Variants in RTL9 observed in about 807,000 individuals in gnomAD.
RTL9 encodes the protein retrotransposon Gag like 9.
A neutral mutation model predicts 44.7 loss-of-function variants in RTL9; 19 were observed. The ratio of observed to expected loss-of-function variants is 0.42; its 90% CI spans 0.30 to 0.62. The LOEUF (loss-of-function observed/expected upper bound fraction) is 0.62, where lower values mean the gene tolerates loss of function less well. Ranked by LOEUF, RTL9 falls within the 20% of genes least tolerant of loss-of-function variation. RTL9 has a pLI of 0.16. For missense variants in RTL9, 1,105 were observed against 1,080.6 expected (o/e 1.02, Z -0.32); for synonymous variants, 407 against 398.9 (o/e 1.02, Z -0.24).
At chrX:110,420,895 C>A (rs947829490) in intron 1 of RTL9, among the ~76,000 whole-genome samples, 2 of 111,464 alleles carry the variant, frequency 1.8e-5, no homozygotes, top group South Asian at 7.6e-4. Flanking sequence ...CCTACTGTGC[C>A]CCGTCCATCA....
intron 1 of RTL9, among the ~76,000 whole-genome samples, chrX:110,382,949 A>G (rs1441952960): frequency 1.8e-5 from 2 of 112,130 alleles, no homozygotes; most frequent in African/African-American, 6.5e-5. Flanking sequence ...CCCATGGCCT[A>G]TAAGGTACAG....
At chrX:110,408,967 A>G (rs1286923917) in intron 1 of RTL9, among the ~76,000 whole-genome samples, 2 of 112,167 alleles carry the variant, frequency 1.8e-5, no homozygotes, top group Non-Finnish European at 3.8e-5. Flanking sequence ...GCAAAAGCAG[A>G]TTTATTATAA....
At chrX:110,399,135 A>C (rs2068547484) in intron 1 of RTL9, among the ~76,000 whole-genome samples, 1 of 112,131 alleles carries the variant, frequency 8.9e-6, no homozygotes, top group South Asian at 3.7e-4. Context: ...TCACAATAAC[A>C]ACAATAATAT....
intron 1 of RTL9, among the ~76,000 whole-genome samples, chrX:110,378,824 G>T (rs1194056747): frequency 9.0e-6 from 1 of 111,205 alleles, no homozygotes; most frequent in Admixed American, 9.5e-5. Context: ...GCTGCCCACT[G>T]CTGGCTCTTC....
chrX:110,397,048 T>G (rs1395972355), intron 1 of RTL9, among the ~76,000 whole-genome samples: 1 of 112,079 alleles, frequency 8.9e-6, no homozygotes, highest in African/African-American at 3.2e-5. Flanking sequence ...AGGCTTGGAC[T>G]TGCTCTCTGC....
At chrX:110,451,781 G>T (rs374873915) in exon 1 of RTL9, 7 of 1,209,626 alleles carry the variant, frequency 5.8e-6, no homozygotes, top group African/African-American at 5.3e-5. Flanking sequence ...TGTCTAATCC[G>T]CCAGTGAGAG....
chrX:110,436,634 G>T (rs1452361245), intron 1 of RTL9, among the ~76,000 whole-genome samples: 2 of 112,011 alleles, frequency 1.8e-5, no homozygotes, highest in African/African-American at 3.3e-5. Context: ...TGCACAGAAA[G>T]CTGAGCTCCT....
At chrX:110,440,567 G>A (rs1406031845) in intron 1 of RTL9, among the ~76,000 whole-genome samples, 1 of 111,627 alleles carries the variant, frequency 9.0e-6, no homozygotes, top group Non-Finnish European at 1.9e-5. Flanking sequence ...TCTGTGGTGA[G>A]GCAGGGGTTT....
At chrX:110,438,454 C>T (rs996597535) in intron 1 of RTL9, among the ~76,000 whole-genome samples, 1 of 111,492 alleles carries the variant, frequency 9.0e-6, no homozygotes, top group Non-Finnish European at 1.9e-5. Flanking sequence ...CACCCCAGCA[C>T]TCAGGGCTTT....
At chrX:110,360,681 G>C (rs896693443) in intron 1 of RTL9, among the ~76,000 whole-genome samples, 1 of 111,631 alleles carries the variant, frequency 9.0e-6, no homozygotes, top group South Asian at 3.8e-4. Context: ...GAAGTAGAAA[G>C]ATTTTTTTGG....
At chrX:110,392,298 A>T (rs1602961395) in intron 1 of RTL9, among the ~76,000 whole-genome samples, 1 of 94,551 alleles carries the variant, frequency 1.1e-5, no homozygotes, top group East Asian at 3.3e-4. Context: ...TTTTTTTGAG[A>T]CAAGGTCTCA....
intron 1 of RTL9, among the ~76,000 whole-genome samples, chrX:110,434,677 T>C (rs182783190): frequency 2.7e-5 from 3 of 111,307 alleles, no homozygotes; most frequent in African/African-American, 6.5e-5. Context: ...AAGGTCTGTT[T>C]GGACTTGCTG....
rs767183254 is a variant in RTL9 at position 110,450,795 on chromosome X, G to T, written c.178G>T (p.Gly60Trp). 1.6e-5 allele frequency: 19 copies of T among 1,209,796 alleles called. No individual in the cohort carries two copies. In the Admixed American group the frequency reaches 3.7e-4, roughly 24 times the overall value. The change falls in exon 1 of 2, where the codon GGG becomes TGG. Residue 60 changes from glycine (G) to tryptophan (W), a missense_variant. Physicochemically the swap from Gly to Trp is radical, Grantham distance 184. Coordinates refer to ENST00000540313, the Ensembl canonical transcript of RTL9. Reference sequence around the variant, plus strand: ...CTCAACTTCAGCCTCAGACCCTGGAGGGACATCCACACAGTTGATGACATC... The same window carrying T: ...CTCAACTTCAGCCTCAGACCCTGGATGGACATCCACACAGTTGATGACATC...
At chrX:110,453,950 C>T (rs369359223) in exon 1 of RTL9, 4 of 1,210,299 alleles carry the variant, frequency 3.3e-6, no homozygotes, top group Non-Finnish European at 4.5e-6. Flanking sequence ...CTCACATTAA[C>T]ATCACAGCCT....
chrX:110,366,313 C>T (rs894055007), intron 1 of RTL9, among the ~76,000 whole-genome samples: 3 of 111,606 alleles, frequency 2.7e-5, no homozygotes, highest in Non-Finnish European at 5.6e-5. Flanking sequence ...TTCCTGGCTG[C>T]GAGAATATTC....
At chrX:110,436,592 C>T (rs943627035) in intron 1 of RTL9, among the ~76,000 whole-genome samples, 1 of 111,975 alleles carries the variant, frequency 8.9e-6, no homozygotes, top group Non-Finnish European at 1.9e-5. Context: ...GCAAGGGGGA[C>T]TGGAATGCAG....
intron 1 of RTL9, among the ~76,000 whole-genome samples, chrX:110,435,778 A>G (rs137905088): frequency 2.4e-4 from 27 of 112,392 alleles, no homozygotes; most frequent in African/African-American, 8.4e-4. Context: ...TTCCTCACAA[A>G]TATTATAAAC....
intron 1 of RTL9, among the ~76,000 whole-genome samples, chrX:110,443,602 T>G (rs1042900716): frequency 2.7e-5 from 3 of 112,273 alleles, no homozygotes; most frequent in African/African-American, 9.7e-5. Flanking sequence ...ATTAGTTTGT[T>G]CTCTTCTCTC....
intron 1 of RTL9, among the ~76,000 whole-genome samples, chrX:110,391,332 T>C (rs779239195): frequency 1.8e-5 from 2 of 112,044 alleles, no homozygotes; most frequent in African/African-American, 6.5e-5. Flanking sequence ...GGTCAAATCA[T>C]TGTTTTCCCA....
Sources: gnomAD v4.1 joint callset for allele counts (sites outside exome capture counted in the v4.1 genomes callset) on GRCh38, gnomAD v4.1.1 for gene constraint, MANE v1.5 for transcripts, NCBI Gene and HGNC (gene_info 2026-07-23, HGNC 2026-07-21) for gene names.